The following TACR3 variants were observed in gnomAD, a reference collection of about 807,000 sequenced individuals.
The protein encoded by TACR3 is neuromedin-K receptor.
Under a neutral mutation model 35.0 loss-of-function variants are expected in TACR3, and 34 were observed. The ratio of observed to expected loss-of-function variants is 0.97; its 90% CI spans 0.74 to 1.30. TACR3 has a LOEUF of 1.30. Among genes scored for constraint, TACR3 ranks in the 50% most tolerant of loss-of-function variants. The pLI is 0.00. For missense variants in TACR3, 558 were observed against 591.7 expected (o/e 0.94, Z 0.59); for synonymous variants, 233 against 221.1 (o/e 1.05, Z -0.48).
At chr4:103,649,861 C>T (rs575423121) in intron 3 of TACR3, among the ~76,000 whole-genome samples, 2 of 152,150 alleles carry the variant, frequency 1.3e-5, no homozygotes, top group African/African-American at 4.8e-5. Context: ...TAGTTCATTG[C>T]ATGAGGTCAT....
At chr4:103,631,586 TTGTC>T (rs1228842513) in intron 3 of TACR3, among the ~76,000 whole-genome samples, 2 of 152,152 alleles carry the variant, frequency 1.3e-5, no homozygotes, top group Non-Finnish European at 2.9e-5. Context: ...AACATGAACT[TTGTC>T]TGGAAGATTC....
chr4:103,696,907 T>A (rs1722532779), intron 1 of TACR3, among the ~76,000 whole-genome samples: 1 of 152,184 alleles, frequency 6.6e-6, no homozygotes. Flanking sequence ...CCCCTCTTTC[T>A]TTAGCTATGA....
chr4:103,706,435 T>C (rs1402279677), intron 1 of TACR3, among the ~76,000 whole-genome samples: 1 of 152,212 alleles, frequency 6.6e-6, no homozygotes, highest in African/African-American at 2.4e-5. Context: ...AGATCTATAA[T>C]TTGTCAAATA....
intron 1 of TACR3, among the ~76,000 whole-genome samples, chr4:103,695,711 C>CTG (rs10603685): frequency 0.076 from 11,151 of 146,086 alleles, 414 homozygotes; most frequent in African/African-American, 0.11. Flanking sequence ...GTCTCTCTCT[C>CTG]TGTGTGTGTG....
intron 1 of TACR3, among the ~76,000 whole-genome samples, chr4:103,668,723 C>A (rs529208266): frequency 6.6e-6 from 1 of 151,786 alleles, no homozygotes; most frequent in South Asian, 2.1e-4. Context: ...GTGACATGCA[C>A]CTGTAATCCC....
chr4:103,686,362 T>C (rs562659241), intron 1 of TACR3, among the ~76,000 whole-genome samples: 2 of 152,290 alleles, frequency 1.3e-5, no homozygotes, highest in East Asian at 1.9e-4. Context: ...TATTGGCTGA[T>C]TGAACAACCA....
chr4:103,684,911 G>A (rs1313502800), intron 1 of TACR3, among the ~76,000 whole-genome samples: 1 of 151,734 alleles, frequency 6.6e-6, no homozygotes, highest in Admixed American at 6.6e-5. Context: ...TTGAACCTGG[G>A]AGGTGGAGGT....
At chr4:103,659,280 G>T (rs2110331090) in intron 1 of TACR3, among the ~76,000 whole-genome samples, 1 of 152,268 alleles carries the variant, frequency 6.6e-6, no homozygotes, top group African/African-American at 2.4e-5. Context: ...ATTTGGTATT[G>T]TGCCTAACAC....
intron 3 of TACR3, among the ~76,000 whole-genome samples, chr4:103,613,518 G>A (rs1011492000): frequency 9.3e-5 from 14 of 151,256 alleles, no homozygotes; most frequent in African/African-American, 2.9e-4. Context: ...TGGTGGAGAC[G>A]GGGTTTCACT....
intron 3 of TACR3, among the ~76,000 whole-genome samples, chr4:103,596,525 G>A (rs1474527028): frequency 6.6e-6 from 1 of 151,920 alleles, no homozygotes; most frequent in Non-Finnish European, 1.5e-5. Flanking sequence ...CTAAATGCTT[G>A]GAATAAAAAT....
chr4:103,712,963 A>C (rs1294514867), intron 1 of TACR3, among the ~76,000 whole-genome samples: 1 of 152,232 alleles, frequency 6.6e-6, no homozygotes, highest in Non-Finnish European at 1.5e-5. Context: ...ATCATTAAAA[A>C]GTCAGGAAAC....
intron 3 of TACR3, among the ~76,000 whole-genome samples, chr4:103,605,981 C>A (rs967093138): frequency 3.3e-5 from 5 of 151,746 alleles, no homozygotes; most frequent in African/African-American, 1.2e-4. Flanking sequence ...GTCTTTAATC[C>A]ATCTTGAATT....
chr4:103,612,129 T>C (rs944795935), intron 3 of TACR3, among the ~76,000 whole-genome samples: 73 of 152,196 alleles, frequency 4.8e-4, no homozygotes, highest in Non-Finnish European at 7.8e-4. Flanking sequence ...AAAGCTTCTG[T>C]TATATTTTGC....
Position 103,719,580 on chromosome 4 carries a change from C to A in TACR3, c.96G>T (p.Ala32=). Residue 32 remains alanine, a synonymous_variant, in exon 1 of 5, where the codon GCG becomes GCT. Coordinates refer to ENST00000304883, the MANE Select transcript of TACR3 (RefSeq NM_001059.3). Reference sequence around the variant, plus strand: ...ACCCAGTCTCAACTGCCCCCGTGGCCGCCCCGGCAGCTAGCGAGGCGGTCA... The same window carrying A: ...ACCCAGTCTCAACTGCCCCCGTGGCAGCCCCGGCAGCTAGCGAGGCGGTCA... ...VNLTASLAAG[A]ATGAVETGWL... 6.2e-7 allele frequency: 1 copy of A among 1,610,418 alleles called. No individual in the cohort carries two copies. Among genetic ancestry groups the A allele is most frequent in the East Asian group, 2.2e-5 (1 of 44,780 alleles).
intron 1 of TACR3, among the ~76,000 whole-genome samples, chr4:103,668,509 T>G (rs774201527): frequency 4.6e-5 from 7 of 152,116 alleles, no homozygotes; most frequent in Non-Finnish European, 4.4e-5. Flanking sequence ...TAAGAATGCT[T>G]ACTTTTTAAA....
chr4:103,619,252 C>A (rs7698371), intron 3 of TACR3, among the ~76,000 whole-genome samples: 2 of 151,848 alleles, frequency 1.3e-5, no homozygotes, highest in African/African-American at 2.4e-5. Flanking sequence ...TTCAGTGGCA[C>A]GATCTCAACT....
chr4:103,663,510 A>C (rs1553973055), intron 1 of TACR3, among the ~76,000 whole-genome samples: 1 of 152,104 alleles, frequency 6.6e-6, no homozygotes, highest in Non-Finnish European at 1.5e-5. Context: ...AATAAAAAAC[A>C]TATATATAAA....
intron 1 of TACR3, among the ~76,000 whole-genome samples, chr4:103,700,629 A>G (rs1722627940): frequency 6.6e-6 from 1 of 152,184 alleles, no homozygotes; most frequent in African/African-American, 2.4e-5. Flanking sequence ...TGATGTTACC[A>G]GGACTCTCTT....
intron 1 of TACR3, among the ~76,000 whole-genome samples, chr4:103,661,849 A>C (rs997839985): frequency 5.3e-5 from 8 of 152,172 alleles, no homozygotes; most frequent in African/African-American, 1.7e-4. Flanking sequence ...ATTCAATAAA[A>C]CATTTATTGA....
Sources: gnomAD v4.1 joint callset for allele counts (sites outside exome capture counted in the v4.1 genomes callset) on GRCh38, gnomAD v4.1.1 for gene constraint, MANE v1.5 for transcripts, NCBI Gene and HGNC (gene_info 2026-07-23, HGNC 2026-07-21) for gene names.